Variants in CRAMP1 observed in about 807,000 individuals in gnomAD.
CRAMP1 encodes the protein protein cramped-like.
CRAMP1 carries 50 observed loss-of-function variants against 115.4 expected under a neutral mutation model. The ratio of observed to expected loss-of-function variants is 0.43; its 90% CI spans 0.35 to 0.55. CRAMP1 has a LOEUF of 0.55. Among genes scored for constraint, CRAMP1 ranks in the 20% least tolerant of loss-of-function variants. The pLI, the probability that CRAMP1 is intolerant of heterozygous loss-of-function variation, is 0.01. For missense variants in CRAMP1, 1,679 were observed against 1,721.7 expected, an observed-to-expected ratio of 0.98 and a Z score of 0.44; for synonymous variants, 866 against 745.4, an observed-to-expected ratio of 1.16 and a Z score of -2.64.
Position 1,627,231 on chromosome 16 carries a change from C to T in CRAMP1, c.540+1065C>T, listed in dbSNP as rs567217951. On this transcript the variant is annotated intron_variant, in intron 3 of 20. Coordinates refer to ENST00000397412, the MANE Select transcript of CRAMP1 (RefSeq NM_020825.4). ...TGCAATCTGGGCTCACTGCAACCCC[C>T]GCCTCCTTGGTTCAAGCAATTCTCG... Among the ~76,000 whole-genome samples the T allele has an allele frequency of 4.5e-4, 69 of 152,188 alleles. 1 individual carries two copies. The highest frequency in any genetic ancestry group is 1.2e-3 in the South Asian group (6 of 4,810).
chr16:1,612,872 C>A (rs2142161388), intron 1 of CRAMP1, among the ~76,000 whole-genome samples: 1 of 152,240 alleles, frequency 6.6e-6, no homozygotes, highest in African/African-American at 2.4e-5. Context: ...CGAGAAAAGT[C>A]CGGTCTCGTT....
chr16:1,626,208 C>A (rs2036506998), intron 3 of CRAMP1, 42 bp downstream of exon 3: 3 of 1,429,416 alleles, frequency 2.1e-6, no homozygotes, highest in Non-Finnish European at 2.8e-6. Context: ...CCTGGGCGTC[C>A]CTCTCGGATC....
Position 1,625,837 on chromosome 16 carries a change from T to TA in CRAMP1, c.347-136_347-135insA, listed in dbSNP as rs2036503617. 3.6e-6 allele frequency: 3 copies of TA among 842,608 alleles called. No homozygotes were observed. The East Asian group carries it at 8.5e-5, about 24-fold the overall frequency. 52.2% of individuals were successfully genotyped at this position (842,608 alleles called of 1,614,324 possible). Reference sequence around the variant, plus strand: ...CGCTGGTGCCGTGGGTCCTGGGTGCTGCCTGCCAGCATCCTCGGTTGAGGA... The same window carrying TA: ...CGCTGGTGCCGTGGGTCCTGGGTGCTAGCCTGCCAGCATCCTCGGTTGAGGA... On this transcript the variant is annotated intron_variant, in intron 2 of 20. Coordinates refer to ENST00000397412, the MANE Select transcript of CRAMP1 (RefSeq NM_020825.4).
At chr16:1,665,837 A>T (rs1407688462) in intron 14 of CRAMP1, 4 of 541,498 alleles carry the variant, frequency 7.4e-6, no homozygotes, top group Non-Finnish European at 1.3e-5. Flanking sequence ...TGGTGACCGC[A>T]GCCTTCCAGT....
intron 11 of CRAMP1, among the ~76,000 whole-genome samples, chr16:1,660,670 A>G (rs1289540990): frequency 2.6e-5 from 4 of 152,236 alleles, no homozygotes; most frequent in Non-Finnish European, 4.4e-5. Flanking sequence ...AGAATAAAGC[A>G]GAGATTATCA....
At chr16:1,654,280 C>T (rs1344414958) in intron 8 of CRAMP1, among the ~76,000 whole-genome samples, 1 of 150,560 alleles carries the variant, frequency 6.6e-6, no homozygotes, top group Non-Finnish European at 1.5e-5. Context: ...GGCGCAGTCT[C>T]GGCTCACTGC....
At chr16:1,638,503 C>T (rs531090866) in intron 5 of CRAMP1, among the ~76,000 whole-genome samples, 6 of 152,308 alleles carry the variant, frequency 3.9e-5, no homozygotes, top group African/African-American at 1.4e-4. Flanking sequence ...TGGATTTGTT[C>T]CGATCGTCTC....
At chr16:1,615,052 C>T (rs2036406079) in intron 2 of CRAMP1, 67 bp downstream of exon 2, 2 of 984,830 alleles carry the variant, frequency 2.0e-6, no homozygotes, top group Non-Finnish European at 2.6e-6. Flanking sequence ...GGAGAGGAAC[C>T]CCTCGCCCCA....
intron 5 of CRAMP1, among the ~76,000 whole-genome samples, chr16:1,640,260 T>C (rs2036621140): frequency 6.6e-6 from 1 of 152,176 alleles, no homozygotes; most frequent in South Asian, 2.1e-4. Flanking sequence ...TTAAAAGATG[T>C]ATTTGCCGGA....
intron 8 of CRAMP1, among the ~76,000 whole-genome samples, chr16:1,653,429 C>G (rs1315797839): frequency 3.9e-5 from 6 of 152,194 alleles, no homozygotes; most frequent in African/African-American, 7.2e-5. Flanking sequence ...TTTCGTCCCC[C>G]ACTAAGGCCC....
Position 1,617,098 on chromosome 16 carries a change from A to C in CRAMP1, c.346+2113A>C, listed in dbSNP as rs924999268. Among the ~76,000 whole-genome samples, 5 of 152,066 alleles carry C rather than the reference A, an allele frequency of 3.3e-5. No individual in the cohort carries two copies. In the South Asian group the frequency reaches 1.0e-3, roughly 31 times the overall value. On this transcript the variant is annotated intron_variant, in intron 2 of 20. Coordinates refer to ENST00000397412, the MANE Select transcript of CRAMP1 (RefSeq NM_020825.4). ...CTCAGCCCCCCAAAGTGCTGGGATT[A>C]CAGGCATGAGCCACCGCTCCTGGCC...
intron 3 of CRAMP1, among the ~76,000 whole-genome samples, chr16:1,627,298 G>A (rs146538863): frequency 5.3e-4 from 81 of 152,178 alleles, no homozygotes; most frequent in Non-Finnish European, 8.5e-4. Flanking sequence ...GGCACACGCC[G>A]CCACACCCAG....
intron 13 of CRAMP1, 38 bp downstream of exon 13, chr16:1,662,873 G>C: frequency 6.4e-7 from 1 of 1,562,218 alleles, no homozygotes; most frequent in Middle Eastern, 1.7e-4. Context: ...TGGCCTCGTG[G>C]CTGGGCCAAC....
Position 1,666,368 on chromosome 16 carries a change from C to A in CRAMP1, c.2858-54C>A. On this transcript the variant is annotated intron_variant, in intron 15 of 20. Coordinates refer to ENST00000397412, the MANE Select transcript of CRAMP1 (RefSeq NM_020825.4). This position sits in a 1 kb window ranked among gnomAD's most constrained non-coding sequence, Gnocchi z 5.0. ...AGCTGTTCCCCGAGCCCTCTTGGGA[C>A]ATCTTATGGGTTGTCAGTAGAGCAG... is the stretch of plus-strand genomic sequence containing the variant. 1.3e-6 allele frequency: 2 copies of A among 1,539,962 alleles called. No homozygotes were observed. The highest frequency in any genetic ancestry group is 1.8e-6 in the Non-Finnish European group (2 of 1,129,020).
At position 1,668,140 on chromosome 16, in the gene CRAMP1, C is replaced by A. The variant is rs2036892279; in HGVS notation, c.3281C>A (p.Ala1094Asp). ...GATGCGCTGTCACAGGGCGAGCCTG[C>A]CACACACATTAGCGACTCCATCATT... ...PEDALSQGEP[A>D]THISDSIIEI... The change falls in exon 18 of 21, where the codon GCC (alanine) becomes GAC (aspartate). Residue 1094 changes from alanine to aspartate, a missense_variant. Transcript: ENST00000397412. 6.2e-7 allele frequency: 1 copy of A among 1,613,576 alleles called. No homozygotes were observed.
In CRAMP1 at chr16:1,669,793, TAC is replaced by T. The variant is rs1286964458; in HGVS notation, c.3499+629_3499+630del. Among the ~76,000 whole-genome samples, 3 of 152,206 alleles carry T rather than the reference TAC, an allele frequency of 2.0e-5. No individual in the cohort carries two copies. The East Asian group carries it at 5.8e-4, about 29-fold the overall frequency. On this transcript the variant is annotated intron_variant, in intron 19 of 20. Coordinates refer to ENST00000397412, the MANE Select transcript of CRAMP1 (RefSeq NM_020825.4). The surrounding 1 kb of genome is among the most constrained non-coding windows in gnomAD (Gnocchi z 4.6). ...TCTGGGGTCTTCCCGCCCACAGTTG[TAC>T]GGGGCCAGGGCTTGTGGCTGGGCAC...
At chr16:1,623,215 G>C (rs1421235219) in intron 2 of CRAMP1, among the ~76,000 whole-genome samples, 10 of 152,210 alleles carry the variant, frequency 6.6e-5, no homozygotes, top group Admixed American at 6.5e-4. Flanking sequence ...AGAAGGAAAG[G>C]GTGAACCCCT....
At chr16:1,665,513 G>A (rs915659721) in intron 14 of CRAMP1, among the ~76,000 whole-genome samples, 1 of 152,146 alleles carries the variant, frequency 6.6e-6, no homozygotes. Context: ...TGTACATTTA[G>A]TGGGGGCCTT....
Position 1,666,497 on chromosome 16 carries a change from T to C in CRAMP1, c.2933T>C (p.Leu978Ser). The change falls in exon 16 of 21, where the codon TTG (leucine) becomes TCG (serine). Residue 978 changes from leucine to serine, a missense_variant. Leu to Ser is a moderately radical substitution (Grantham distance 145). Transcript: ENST00000397412. This position sits in a 1 kb window ranked among gnomAD's most constrained non-coding sequence, Gnocchi z 5.0. ...CTCCCTGCCTTGGACACCGAGGGCT[T>C]GTCTGGCATCTCTCCACTGTCTTCA... ...NPLPALDTEG[L>S]SGISPLSSDE... is the part of the protein sequence containing the mutation. The C allele has an allele frequency of 1.2e-6, 2 of 1,613,974 alleles. No individual in the cohort carries two copies. Among genetic ancestry groups the C allele is most frequent in the South Asian group, 1.1e-5 (1 of 91,080 alleles).
Sources: allele counts gnomAD v4.1 joint callset (sites outside exome capture counted in the v4.1 genomes callset), GRCh38; gene constraint gnomAD v4.1.1; non-coding constraint Gnocchi (gnomAD v3.1); transcripts MANE v1.5; gene names NCBI Gene and HGNC (gene_info 2026-07-23, HGNC 2026-07-21).